PDE4B: variants seen among roughly 807,000 people sequenced by gnomAD.
PDE4B encodes phosphodiesterase 4B.
Under a neutral mutation model 82.2 loss-of-function variants are expected in PDE4B, and 20 were observed. The observed-to-expected ratio is 0.24, with a 90% CI of 0.17 to 0.35. PDE4B has a LOEUF of 0.35. Among genes scored for constraint, PDE4B ranks in the 10% least tolerant of loss-of-function variants. The pLI, the probability that PDE4B is intolerant of heterozygous loss-of-function variation, is 1.00. For synonymous variants in PDE4B, 320 were observed against 318.9 expected, an observed-to-expected ratio of 1.00 and a Z score of -0.04; for missense variants, 655 against 907.2, an observed-to-expected ratio of 0.72 and a Z score of 3.57.
chr1:66,364,720 T>C (rs972501288), intron 12 of PDE4B, among the ~76,000 whole-genome samples: 6 of 152,212 alleles, frequency 3.9e-5, no homozygotes, highest in Non-Finnish European at 7.3e-5. Flanking sequence ...GTACTGTTTT[T>C]ATACCCTGTG....
At position 65,920,992 on chromosome 1, in the gene PDE4B, G is replaced by A. The variant is rs1192357922; in HGVS notation, c.281+2157G>A. ...TTTTTTTTTTTTTTTTTTTTGAGAC[G>A]GAGTCTCGCTCTGTCGCCCAGGCTG... On this transcript the variant is annotated intron_variant, in intron 3 of 16. Transcript: ENST00000341517. Among the ~76,000 whole-genome samples, 143 of 112,246 alleles carry A rather than the reference G, an allele frequency of 1.3e-3. 2 individuals are homozygous for A. The highest frequency in any genetic ancestry group is 8.5e-3 in the Admixed American group (75 of 8,776). 73.6% of individuals were successfully genotyped at this position (112,246 alleles called of 152,430 possible).
intron 3 of PDE4B, among the ~76,000 whole-genome samples, chr1:66,042,031 T>A (rs1023966048): frequency 6.6e-6 from 1 of 151,920 alleles, no homozygotes; most frequent in Non-Finnish European, 1.5e-5. Flanking sequence ...ATTCTATTTT[T>A]ATTACAAAAG....
At chr1:66,163,493 A>G (rs554838898) in intron 3 of PDE4B, among the ~76,000 whole-genome samples, 209 of 152,210 alleles carry the variant, frequency 1.4e-3, no homozygotes, top group African/African-American at 4.8e-3. Context: ...TAACCATTAT[A>G]TTATTTTTGT....
chr1:66,132,167 A>C (rs1433526182), intron 3 of PDE4B, among the ~76,000 whole-genome samples: 2 of 152,170 alleles, frequency 1.3e-5, no homozygotes, highest in African/African-American at 4.8e-5. Context: ...TTATAAGATC[A>C]TTCTGACTTT....
chr1:66,036,377 C>T (rs1383668334), intron 3 of PDE4B, among the ~76,000 whole-genome samples: 1 of 152,072 alleles, frequency 6.6e-6, no homozygotes, highest in Non-Finnish European at 1.5e-5. Flanking sequence ...CTTTTGGGGT[C>T]ATATCCAAGA....
Position 66,373,146 on chromosome 1 carries a change from C to A in PDE4B, c.*468C>A, listed in dbSNP as rs2050844639. ...AATACCTGGAGTTTAGTATCAACTT[C>A]TACACAGATAAGCTTTCAAAGTTGA... On this transcript the variant is annotated 3_prime_UTR_variant, in exon 17 of 17. Coordinates refer to ENST00000341517, the MANE Select transcript of PDE4B (RefSeq NM_002600.4). 6.4e-6 allele frequency: 1 copy of A among 157,158 alleles called. No homozygotes were observed. Among genetic ancestry groups the A allele is most frequent in the African/African-American group, 2.4e-5 (1 of 41,524 alleles). The allele number at this position is 157,158 out of a possible 1,614,324, so 9.7% of individuals were successfully genotyped here.
Position 65,949,358 on chromosome 1 carries a change from T to A in PDE4B, c.281+30523T>A, listed in dbSNP as rs566667128. On this transcript the variant is annotated intron_variant, in intron 3 of 16. Transcript: ENST00000341517. Reference sequence around the variant, plus strand: ...TTCCTCCATCATTTGCTACAGCAATTCTGGCATCTCTATTTTGTTTACTGT... The same window carrying A: ...TTCCTCCATCATTTGCTACAGCAATACTGGCATCTCTATTTTGTTTACTGT... 5.3e-5 allele frequency among the ~76,000 whole-genome samples: 8 copies of A among 152,212 alleles called. No individual in the cohort carries two copies. The South Asian group carries it at 1.7e-3, about 32-fold the overall frequency.
intron 3 of PDE4B, among the ~76,000 whole-genome samples, chr1:66,198,013 T>A (rs1368371836): frequency 2.0e-5 from 3 of 152,128 alleles, no homozygotes; most frequent in Non-Finnish European, 2.9e-5. Context: ...TGCAAAGAGC[T>A]TTTTTGGACC....
chr1:65,937,118 G>A (rs2100535357), intron 3 of PDE4B, among the ~76,000 whole-genome samples: 1 of 152,248 alleles, frequency 6.6e-6, no homozygotes, highest in South Asian at 2.1e-4. Context: ...TATAAATATG[G>A]TTGCTTGTCT....
intron 3 of PDE4B, among the ~76,000 whole-genome samples, chr1:65,950,754 C>T (rs914753115): frequency 2.0e-5 from 3 of 151,896 alleles, no homozygotes; most frequent in African/African-American, 7.3e-5. Flanking sequence ...TGGTTCAGGG[C>T]GATTCTCTGG....
chr1:66,029,408 G>A (rs759882587), intron 3 of PDE4B, among the ~76,000 whole-genome samples: 26 of 152,272 alleles, frequency 1.7e-4, no homozygotes, highest in Non-Finnish European at 2.8e-4. Flanking sequence ...TGATTAGATA[G>A]GAAGCTTGCT....
At chr1:65,903,314 G>A (rs537921672) in intron 1 of PDE4B, among the ~76,000 whole-genome samples, 1 of 152,110 alleles carries the variant, frequency 6.6e-6, no homozygotes, top group South Asian at 2.1e-4. Context: ...CAAATTTCAT[G>A]GATGAGTCCA....
At chr1:66,077,843 T>C (rs1473039686) in intron 3 of PDE4B, among the ~76,000 whole-genome samples, 1 of 152,168 alleles carries the variant, frequency 6.6e-6, no homozygotes, top group Non-Finnish European at 1.5e-5. Flanking sequence ...ATGTACTTTA[T>C]TTTTTATATC....
intron 8 of PDE4B, among the ~76,000 whole-genome samples, chr1:66,353,272 A>T (rs530056261): frequency 1.3e-5 from 2 of 152,320 alleles, no homozygotes; most frequent in South Asian, 4.1e-4. Context: ...ACACACACAC[A>T]TACGCAAGCA....
chr1:65,885,111 T>C (rs1646757434), intron 1 of PDE4B, among the ~76,000 whole-genome samples: 1 of 152,062 alleles, frequency 6.6e-6, no homozygotes, highest in South Asian at 2.1e-4. Flanking sequence ...CATGAAAAAA[T>C]GCTCATCATC....
chr1:65,913,396 A>T (rs1205373610), intron 2 of PDE4B, 40 bp downstream of exon 2: 1 of 1,596,728 alleles, frequency 6.3e-7, no homozygotes, highest in Non-Finnish European at 8.6e-7. Context: ...GGTCTGTTCA[A>T]TAAAGAAGTC....
chr1:66,107,553 C>T (rs937971798), intron 3 of PDE4B, among the ~76,000 whole-genome samples: 1 of 151,680 alleles, frequency 6.6e-6, no homozygotes, highest in African/African-American at 2.4e-5. Context: ...ATGAGACTTT[C>T]ATGGTAAGTC....
intron 3 of PDE4B, among the ~76,000 whole-genome samples, chr1:66,096,853 T>C (rs1179161929): frequency 6.6e-6 from 1 of 151,812 alleles, no homozygotes; most frequent in Non-Finnish European, 1.5e-5. Flanking sequence ...GTTTTGCCTT[T>C]TTTAGAACAT....
chr1:66,337,526 C>T (rs976238475), intron 8 of PDE4B, among the ~76,000 whole-genome samples: 3 of 152,118 alleles, frequency 2.0e-5, no homozygotes, highest in African/African-American at 2.4e-5. Context: ...AAGCAGGCTG[C>T]GGTCCAGGGC....
Sources: gnomAD v4.1 joint callset for allele counts (sites outside exome capture counted in the v4.1 genomes callset) on GRCh38, gnomAD v4.1.1 for gene constraint, MANE v1.5 for transcripts, NCBI Gene and HGNC (gene_info 2026-07-23, HGNC 2026-07-21) for gene names.